MACF1: variants seen among roughly 807,000 people sequenced by gnomAD.
MACF1 encodes the protein microtubule actin crosslinking factor 1.
MACF1 carries 193 observed loss-of-function variants against 854.8 expected under a neutral mutation model. The observed-to-expected ratio is 0.23, with a 90% confidence interval of 0.20 to 0.25. The LOEUF is 0.25. Among genes scored for constraint, MACF1 ranks in the 10% least tolerant of loss-of-function variants. The pLI is 1.00. For synonymous variants in MACF1, 3,185 were observed against 3,226.7 expected (o/e 0.99, Z 0.44); for missense variants, 7,722 against 8,929.1 (o/e 0.86, Z 5.45).
intron 52 of MACF1, among the ~76,000 whole-genome samples, chr1:39,373,798 A>G (rs1195179375): frequency 6.6e-6 from 1 of 150,992 alleles, no homozygotes; most frequent in Non-Finnish European, 1.5e-5. Flanking sequence ...GGTTGCAGTG[A>G]GCCAAGATCG....
intron 2 of MACF1, among the ~76,000 whole-genome samples, chr1:39,170,748 C>T (rs1643937639): frequency 6.6e-6 from 1 of 152,224 alleles, no homozygotes; most frequent in Non-Finnish European, 1.5e-5. Context: ...AGCTTATATT[C>T]TATCATTTAG....
At chr1:39,369,131 C>T (rs922276382) in intron 50 of MACF1, among the ~76,000 whole-genome samples, 4 of 151,752 alleles carry the variant, frequency 2.6e-5, no homozygotes, top group Non-Finnish European at 4.4e-5. Flanking sequence ...AACCACTATG[C>T]CCAGACCCCC....
In MACF1 at chr1:39,105,406, A is replaced by AGCCGGGACCGGCGGAGCGCGAGCGG. The variant is rs1642203075; in HGVS notation, c.220+20975_220+20999dup. The stretch of plus-strand genomic sequence containing the variant: ...CGAGGGGTGAGGACGCGGAAACGCG[A>AGCCGGGACCGGCGGAGCGCGAGCGG]GCCGGGACCGGCGGAGCGCGAGCGG... On this transcript the variant is annotated intron_variant, in intron 2 of 93. Transcript: ENST00000361689. The surrounding 1 kb of genome is among the most constrained non-coding windows in gnomAD (Gnocchi z 5.9). 1.1e-5 allele frequency: 11 copies of AGCCGGGACCGGCGGAGCGCGAGCGG among 986,570 alleles called. No homozygotes were observed. Among genetic ancestry groups the AGCCGGGACCGGCGGAGCGCGAGCGG allele is most frequent in the African/African-American group, 1.8e-5 (1 of 56,714 alleles). The allele number at this position is 986,570 out of a possible 1,614,324, so 61.1% of individuals were successfully genotyped here.
intron 56 of MACF1, among the ~76,000 whole-genome samples, chr1:39,382,489 G>A (rs148765304): frequency 0.01 from 1,564 of 152,074 alleles, 31 homozygotes; most frequent in African/African-American, 0.036. Context: ...CGGGTCACAA[G>A]GTCAGGAGAT....
rs745667474 is a variant in MACF1 at position 39,340,805 on chromosome 1, C to T, written c.10433C>T (p.Thr3478Ile). 6 of 1,612,704 alleles carry T rather than the reference C, an allele frequency of 3.7e-6. No individual in the cohort carries two copies. In the Admixed American group the frequency reaches 8.4e-5, roughly 23 times the overall value. ...TGTGATTTTCCATTTATTTCTTAGA[C>T]TAAAGTGTTAAATCAGCACACACAG... ...HFQNAVEIEKTKVLNQHTQLE... is the reference protein window; with the variant it reads ...HFQNAVEIEKIKVLNQHTQLE... Residue 3478 changes from threonine (T) to isoleucine (I), a missense_variant and splice_region_variant, in exon 40 of 101, where the codon ACT (threonine) becomes ATT (isoleucine). Physicochemically the swap from Thr to Ile is moderately conservative, Grantham distance 89. Around this residue, in one of 15 missense-constraint regions of MACF1, gnomAD observed 854 missense variants for 852.6 expected, o/e 1.00. Transcript: ENST00000564288.
chr1:39,370,261 T>C, intron 51 of MACF1, 75 bp downstream of exon 51: 1 of 1,325,104 alleles, frequency 7.5e-7, no homozygotes. Flanking sequence ...TCTCCAGCTG[T>C]GGTGGGGAAA....
At chr1:39,311,793 T>G (rs944737559) in intron 26 of MACF1, among the ~76,000 whole-genome samples, 4 of 152,194 alleles carry the variant, frequency 2.6e-5, no homozygotes, top group Non-Finnish European at 4.4e-5. Context: ...CTTAGAGTGT[T>G]TCTAGAACAT....
Position 39,485,174 on chromosome 1 carries a change from T to G in MACF1, c.22412-364T>G, listed in dbSNP as rs563408263. ...GGGAACCTAGGAATCTTCCTTCATTTCCTGGCTGGCTGCTTCCCCTCATTT... is the reference window on the plus strand; with the variant it reads ...GGGAACCTAGGAATCTTCCTTCATTGCCTGGCTGGCTGCTTCCCCTCATTT... On this transcript the variant is annotated intron_variant, in intron 100 of 100. Transcript: ENST00000564288. 3.9e-5 allele frequency: 12 copies of G among 305,826 alleles called. No homozygotes were observed. In the South Asian group the frequency reaches 5.9e-4, roughly 15 times the overall value. The allele number at this position is 305,826 out of a possible 1,614,324, so 18.9% of individuals were successfully genotyped here. A position where few individuals can be genotyped will look rare whatever the true frequency, so the allele number is the denominator to read the frequency against.
chr1:39,324,420 C>T (rs1342535816), intron 34 of MACF1, 75 bp downstream of exon 34: 2 of 1,523,078 alleles, frequency 1.3e-6, no homozygotes, highest in East Asian at 4.6e-5. Context: ...TAGTAGAAGT[C>T]ACATGTGGGC....
intron 3 of MACF1, 105 bp downstream of exon 3, chr1:39,250,208 A>G: frequency 1.6e-6 from 1 of 645,024 alleles, no homozygotes; most frequent in Admixed American, 2.6e-5. Flanking sequence ...TTCATCTATT[A>G]GAGGGGAGGA....
At position 39,432,163 on chromosome 1, in the gene MACF1, T is replaced by C. The variant is rs1398604288; in HGVS notation, c.17338-372T>C. ...CTCATCCGTCTACTGCCATATTAGG[T>C]TTATATTTAAACATCTGACTAAACC... On this transcript the variant is annotated intron_variant, in intron 66 of 100. Transcript: ENST00000564288. Among the ~76,000 whole-genome samples, 4 of 152,212 alleles carry C rather than the reference T, an allele frequency of 2.6e-5. 1 individual carries two copies. Among genetic ancestry groups the C allele is most frequent in the Admixed American group, 6.5e-5 (1 of 15,278 alleles).
At chr1:39,478,028 G>C (rs1644943631) in intron 97 of MACF1, among the ~76,000 whole-genome samples, 1 of 137,806 alleles carries the variant, frequency 7.3e-6, no homozygotes, top group Non-Finnish European at 1.5e-5. Context: ...TTTGAGATGG[G>C]GTCTCACTCT....
At chr1:39,388,886 T>C (rs145846352) in intron 58 of MACF1, among the ~76,000 whole-genome samples, 4,113 of 138,202 alleles carry the variant, frequency 0.03, 70 homozygotes, top group Non-Finnish European at 0.048. Context: ...TTTTTTTTTT[T>C]TTTTTTTTTT....
intron 6 of MACF1, among the ~76,000 whole-genome samples, chr1:39,267,507 A>G (rs1289784179): frequency 1.3e-5 from 2 of 152,254 alleles, no homozygotes; most frequent in Non-Finnish European, 2.9e-5. Context: ...CTAGGATTAT[A>G]ATAGGCGTGA....
chr1:39,197,443 T>C (rs187442459), intron 2 of MACF1, among the ~76,000 whole-genome samples: 15 of 152,310 alleles, frequency 9.8e-5, no homozygotes, highest in Non-Finnish European at 1.8e-4. Context: ...TTCCTAGGTG[T>C]TTTTGAATGA....
At chr1:39,427,410 A>T (rs753278766) in intron 61 of MACF1, 45 bp from the exon 62 acceptor site, 1 of 1,575,586 alleles carries the variant, frequency 6.3e-7, no homozygotes, top group South Asian at 1.1e-5. Context: ...ACCAGTTTTA[A>T]TGTGACTTTT....
At chr1:39,238,986 A>G (rs1644890660) in intron 2 of MACF1, among the ~76,000 whole-genome samples, 1 of 152,138 alleles carries the variant, frequency 6.6e-6, no homozygotes, top group African/African-American at 2.4e-5. Context: ...ACGTAAGGAC[A>G]AAACCAACCA....
intron 80 of MACF1, among the ~76,000 whole-genome samples, 162 bp from the exon 81 acceptor site, chr1:39,447,270 C>G (rs925029861): frequency 2.0e-5 from 3 of 152,170 alleles, no homozygotes; most frequent in African/African-American, 7.2e-5. Flanking sequence ...TTAAAATGTC[C>G]CCTTCTTTAC....
chr1:39,393,321 C>T (rs1329672524), intron 58 of MACF1, among the ~76,000 whole-genome samples: 1 of 150,772 alleles, frequency 6.6e-6, no homozygotes, highest in Non-Finnish European at 1.5e-5. Flanking sequence ...TAAACCAACC[C>T]CTCCTTTGCC....
Sources: allele counts gnomAD v4.1 joint callset (sites outside exome capture counted in the v4.1 genomes callset), GRCh38; gene constraint gnomAD v4.1.1; regional missense constraint gnomAD v4.1.1; non-coding constraint Gnocchi (gnomAD v3.1); transcripts MANE v1.5; gene names NCBI Gene and HGNC (gene_info 2026-07-23, HGNC 2026-07-21).